The following KCNMB2 variants were observed in gnomAD, a reference collection of about 807,000 sequenced individuals.
The protein encoded by KCNMB2 is potassium calcium-activated channel subfamily M regulatory beta subunit 2.
Under a neutral mutation model 24.5 loss-of-function variants are expected in KCNMB2, and 9 were observed. The ratio of observed to expected loss-of-function variants is 0.37; its 90% CI spans 0.22 to 0.64. The LOEUF is 0.64. KCNMB2 is among the 30% of genes least tolerant of loss of function. The pLI, the probability that KCNMB2 is intolerant of heterozygous loss-of-function variation, is 0.63. For missense variants in KCNMB2, 226 were observed against 284.3 expected (o/e 0.79, Z 1.47); for synonymous variants, 109 against 104.4 (o/e 1.04, Z -0.27).
chr3:178,624,590 TTTTC>T (rs148890537), intron 1 of KCNMB2, among the ~76,000 whole-genome samples: 54,466 of 134,230 alleles, frequency 0.41, 10,564 homozygotes, highest in African/African-American at 0.56. Context: ...TTTTTTCTTT[TTTTC>T]TTTCTTTTTT....
At chr3:178,767,920 G>C (rs1447786869) in intron 1 of KCNMB2, among the ~76,000 whole-genome samples, 1 of 152,116 alleles carries the variant, frequency 6.6e-6, no homozygotes, top group Non-Finnish European at 1.5e-5. Flanking sequence ...TATTGGAAAG[G>C]ACTTTTGTCA....
At chr3:178,608,851 T>C (rs1406287550) in intron 1 of KCNMB2, among the ~76,000 whole-genome samples, 1 of 152,226 alleles carries the variant, frequency 6.6e-6, no homozygotes, top group African/African-American at 2.4e-5. Context: ...AGTACTCCAT[T>C]GTGTACGTAT....
In KCNMB2 at chr3:178,775,054, A is replaced by G. The variant is rs1712525158; in HGVS notation, c.-67-32289A>G. Among the ~76,000 whole-genome samples the G allele has an allele frequency of 3.3e-5, 5 of 152,232 alleles. No homozygotes were observed. The South Asian group carries it at 1.0e-3, about 31-fold the overall frequency. ...AACAGATTCACTTTCTTTATGCCAC[A>G]TGATATTAATATCCTAATTCCAGAA... On this transcript the variant is annotated intron_variant, in intron 1 of 4. Coordinates refer to ENST00000452583, the MANE Select transcript of KCNMB2 (RefSeq NM_181361.3).
intron 1 of KCNMB2, among the ~76,000 whole-genome samples, chr3:178,760,812 C>T (rs1044353516): frequency 1.3e-5 from 2 of 151,332 alleles, no homozygotes; most frequent in Non-Finnish European, 2.9e-5. Flanking sequence ...TCCTTAGAGA[C>T]AAGTAACAAA....
At chr3:178,568,758 TGATA>T (rs573438009) in intron 1 of KCNMB2, among the ~76,000 whole-genome samples, 5,221 of 147,410 alleles carry the variant, frequency 0.035, 120 homozygotes, top group East Asian at 0.087. Flanking sequence ...GATAGATAGA[TGATA>T]GATAGATAGA....
At chr3:178,586,538 CTTTTTT>C (rs10677144) in intron 1 of KCNMB2, among the ~76,000 whole-genome samples, 28 of 68,496 alleles carry the variant, frequency 4.1e-4, no homozygotes, top group African/African-American at 1.3e-3. Context: ...TTTTTTCTTT[CTTTTTT>C]TTTTTTTTTT....
Position 178,702,407 on chromosome 3 carries a change from T to A in KCNMB2, c.-67-104936T>A, listed in dbSNP as rs190381474. On this transcript the variant is annotated intron_variant, in intron 1 of 4. Transcript: ENST00000452583. ...GTAACAAACCTGCATTTTGTGCACATGTACCCTAGAACTTAAAAAGTATAA... is the reference window on the plus strand; with the variant it reads ...GTAACAAACCTGCATTTTGTGCACAAGTACCCTAGAACTTAAAAAGTATAA... Among the ~76,000 whole-genome samples, 5 of 151,662 alleles carry A rather than the reference T, an allele frequency of 3.3e-5. No individual in the cohort carries two copies. The East Asian group carries it at 9.7e-4, about 29-fold the overall frequency.
chr3:178,832,297 G>T, intron 4 of KCNMB2, among the ~76,000 whole-genome samples: 1 of 152,000 alleles, frequency 6.6e-6, no homozygotes, highest in African/African-American at 2.4e-5. Context: ...TTACTATTCA[G>T]AAATCAGCCC....
chr3:178,656,695 C>T (rs2108566347), intron 1 of KCNMB2, among the ~76,000 whole-genome samples: 1 of 152,170 alleles, frequency 6.6e-6, no homozygotes, highest in African/African-American at 2.4e-5. Context: ...ATCGCTTGAA[C>T]CGGGAGATGG....
rs1470383471 is a variant in KCNMB2, at chr3:178,655,089, GCTCTCCCT to G, written c.-68+118384_-68+118391del. On this transcript the variant is annotated intron_variant, in intron 1 of 4. Transcript: ENST00000452583. Reference sequence around the variant, plus strand: ...TTAGTGTAAAGTTCAGTAAATATTAGCTCTCCCTCTCTCTCTCTCTCTCTCTCTCTCTC... The same window carrying G: ...TTAGTGTAAAGTTCAGTAAATATTAGCTCTCTCTCTCTCTCTCTCTCTCTC... Among the ~76,000 whole-genome samples, 415 of 77,884 alleles carry G rather than the reference GCTCTCCCT, an allele frequency of 5.3e-3. 6 individuals are homozygous for G. The highest frequency in any genetic ancestry group is 0.019 in the African/African-American group (380 of 19,902). 51.1% of individuals were successfully genotyped at this position (77,884 alleles called of 152,430 possible). A position where few individuals can be genotyped will look rare whatever the true frequency, so the allele number is the denominator to read the frequency against.
chr3:178,680,301 A>C (rs1196629183), intron 1 of KCNMB2, among the ~76,000 whole-genome samples: 1 of 152,154 alleles, frequency 6.6e-6, no homozygotes, highest in Non-Finnish European at 1.5e-5. Flanking sequence ...AGGGAGGCCC[A>C]GAGGTCTCTT....
At chr3:178,669,477 T>C (rs1025351146) in intron 1 of KCNMB2, among the ~76,000 whole-genome samples, 3 of 152,100 alleles carry the variant, frequency 2.0e-5, no homozygotes, top group Admixed American at 6.6e-5. Context: ...CCTGGGCAAC[T>C]GCAGTGAACA....
intron 1 of KCNMB2, among the ~76,000 whole-genome samples, chr3:178,759,699 C>CATATATATATCCAAGAGGATATATCTAT (rs1711640527): frequency 1.2e-5 from 1 of 83,266 alleles, no homozygotes; most frequent in African/African-American, 3.7e-5. Context: ...TATATATACA[C>CATATATATATCCAAGAGGATATATCTAT]ATATATATAT....
At chr3:178,689,937 G>C (rs1721609574) in intron 1 of KCNMB2, among the ~76,000 whole-genome samples, 1 of 151,864 alleles carries the variant, frequency 6.6e-6, no homozygotes, top group African/African-American at 2.4e-5. Flanking sequence ...CAAAGGAAAG[G>C]AGAGAGACCT....
intron 4 of KCNMB2, among the ~76,000 whole-genome samples, chr3:178,840,676 C>T (rs980685949): frequency 6.6e-6 from 1 of 152,226 alleles, no homozygotes. Context: ...AAGCAATGGC[C>T]TGAGCTGTAC....
intron 1 of KCNMB2, among the ~76,000 whole-genome samples, chr3:178,655,203 C>G (rs1452706543): frequency 6.8e-6 from 1 of 147,462 alleles, no homozygotes; most frequent in Non-Finnish European, 1.5e-5. Context: ...TTTCCATGTC[C>G]AAGAAAAGAA....
chr3:178,662,444 A>T (rs1720565484), intron 1 of KCNMB2, among the ~76,000 whole-genome samples: 1 of 152,182 alleles, frequency 6.6e-6, no homozygotes. Flanking sequence ...AATGATACAG[A>T]TCATTTTGGG....
chr3:178,839,011 G>A (rs1715333252), intron 4 of KCNMB2, among the ~76,000 whole-genome samples: 1 of 152,130 alleles, frequency 6.6e-6, no homozygotes, highest in South Asian at 2.1e-4. Flanking sequence ...TAGATAAGCA[G>A]TGATTCTGTC....
At chr3:178,628,808 G>A (rs1022782352) in intron 1 of KCNMB2, among the ~76,000 whole-genome samples, 1 of 152,120 alleles carries the variant, frequency 6.6e-6, no homozygotes, top group Non-Finnish European at 1.5e-5. Context: ...AAAGAATTCT[G>A]GCTGGGCTGC....
Sources: gnomAD v4.1 joint callset for allele counts (sites outside exome capture counted in the v4.1 genomes callset) on GRCh38, gnomAD v4.1.1 for gene constraint, MANE v1.5 for transcripts, NCBI Gene and HGNC (gene_info 2026-07-23, HGNC 2026-07-21) for gene names.